The following ZNF845 variants were observed in gnomAD, a reference collection of about 807,000 sequenced individuals.
The protein encoded by ZNF845 is zinc finger protein 845.
Under a neutral mutation model 76.1 loss-of-function variants are expected in ZNF845, and 59 were observed. The observed-to-expected ratio is 0.78, with a 90% CI of 0.63 to 0.96. The LOEUF (loss-of-function observed/expected upper bound fraction) is 0.96, where lower values mean the gene tolerates loss of function less well. Among genes scored for constraint, ZNF845 ranks in the 40% least tolerant of loss-of-function variants. The pLI, the probability that ZNF845 is intolerant of heterozygous loss-of-function variation, is 0.00. For missense variants in ZNF845, 1,045 were observed against 1,172.8 expected, an observed-to-expected ratio of 0.89 and a Z score of 1.59; for synonymous variants, 361 against 386.9, an observed-to-expected ratio of 0.93 and a Z score of 0.78.
Position 53,351,813 on chromosome 19 carries a change from G to A in ZNF845, c.1138G>A (p.Glu380Lys). Reference sequence around the variant, plus strand: ...AAGACATAGGAAAATTCATACTGGAGAGAAACCTTACAAGTGTAATGAATG... The same window carrying A: ...AAGACATAGGAAAATTCATACTGGAAAGAAACCTTACAAGTGTAATGAATG... ...LERHRKIHTG[E>K]KPYKCNECSR... The change falls in exon 4 of 4, where the codon GAG becomes AAG. Residue 380 changes from glutamate to lysine, a missense_variant. Physicochemically the swap from Glu to Lys is moderately conservative, Grantham distance 56 (BLOSUM62 1). Transcript: ENST00000458035. The A allele has an allele frequency of 6.2e-7, 1 of 1,613,564 alleles. No individual in the cohort carries two copies. The highest frequency in any genetic ancestry group is 8.5e-7 in the Non-Finnish European group (1 of 1,179,938).
chr19:53,337,639 G>C (rs943398613), intron 1 of ZNF845, among the ~76,000 whole-genome samples: 3 of 152,056 alleles, frequency 2.0e-5, no homozygotes, highest in Non-Finnish European at 4.4e-5. Flanking sequence ...CGTAATCATG[G>C]TTCACTGCAA....
chr19:53,350,394 G>C (rs1345574579), intron 3 of ZNF845, among the ~76,000 whole-genome samples: 1 of 151,958 alleles, frequency 6.6e-6, no homozygotes, highest in African/African-American at 2.4e-5. Context: ...AGCTTGTTGT[G>C]GATTATTTAC....
intron 1 of ZNF845, chr19:53,337,232 C>T (rs1372430630): frequency 4.4e-6 from 2 of 452,096 alleles, no homozygotes; most frequent in African/African-American, 2.0e-5. Context: ...GATCACGGCC[C>T]TGTGCCTTTC....
At chr19:53,345,952 A>G (rs1231259160) in intron 3 of ZNF845, among the ~76,000 whole-genome samples, 1 of 151,294 alleles carries the variant, frequency 6.6e-6, no homozygotes, top group Non-Finnish European at 1.5e-5. Flanking sequence ...GGCTCAAGAG[A>G]TCCTCCTTGG....
chr19:53,334,851 A>C (rs2085202468), intron 1 of ZNF845, among the ~76,000 whole-genome samples: 1 of 152,110 alleles, frequency 6.6e-6, no homozygotes, highest in Non-Finnish European at 1.5e-5. Flanking sequence ...TCCAGGCTGC[A>C]GTGAGCAGAG....
chr19:53,334,260 C>G (rs1368713332), intron 1 of ZNF845, among the ~76,000 whole-genome samples: 1 of 152,114 alleles, frequency 6.6e-6, no homozygotes, highest in African/African-American at 2.4e-5. Context: ...CCTATGACAC[C>G]GGGTGTTCTT....
At chr19:53,348,307 T>A (rs1332948708) in intron 3 of ZNF845, among the ~76,000 whole-genome samples, 1 of 152,120 alleles carries the variant, frequency 6.6e-6, no homozygotes, top group Non-Finnish European at 1.5e-5. Flanking sequence ...ACTGGGAGGC[T>A]TACGGCACAG....
At chr19:53,339,854 C>T (rs534969816) in intron 1 of ZNF845, among the ~76,000 whole-genome samples, 1 of 152,296 alleles carries the variant, frequency 6.6e-6, no homozygotes, top group East Asian at 1.9e-4. Flanking sequence ...AACCAACAGA[C>T]TATCCTTCCC....
chr19:53,341,453 C>T (rs1043179465), intron 2 of ZNF845, 131 bp downstream of exon 2: 2 of 1,346,042 alleles, frequency 1.5e-6, no homozygotes, highest in African/African-American at 1.4e-5. Flanking sequence ...CATGCCTTCC[C>T]TCAGTCCCTC....
In ZNF845 at chr19:53,341,967, T is replaced by G. The variant is rs181436939; in HGVS notation, c.15+645T>G. 3.0e-3 allele frequency among the ~76,000 whole-genome samples: 450 copies of G among 152,212 alleles called. 1 individual carries two copies. Among genetic ancestry groups the G allele is most frequent in the Non-Finnish European group, 4.9e-3 (333 of 68,018 alleles). On this transcript the variant is annotated intron_variant, in intron 2 of 3. Coordinates refer to ENST00000458035, the MANE Select transcript of ZNF845 (RefSeq NM_138374.3). ...AGCACATTAAAGCTCATGGAGACTG[T>G]GGGGTTACTGCGGAGAGGCTTGTGA... is the stretch of plus-strand genomic sequence containing the variant.
intron 1 of ZNF845, chr19:53,337,118 A>T: frequency 2.2e-6 from 1 of 456,906 alleles, no homozygotes; most frequent in Non-Finnish European, 4.4e-6. Context: ...CCCTCATCGC[A>T]TGACTGTCTC....
chr19:53,352,892 A>C lies in ZNF845; in HGVS notation c.2217A>C (p.Arg739Ser). 1 of 1,614,054 alleles carries C rather than the reference A, an allele frequency of 6.2e-7. No homozygotes were observed. The highest frequency in any genetic ancestry group is 8.5e-7 in the Non-Finnish European group (1 of 1,180,020). The change falls in exon 4 of 4, where the codon AGA becomes AGC. Residue 739 changes from arginine to serine, a missense_variant. Physicochemically the swap from Arg to Ser is moderately radical, Grantham distance 110. Coordinates refer to ENST00000458035, the MANE Select transcript of ZNF845 (RefSeq NM_138374.3). ...SQKSSLTCHL[R>S]LHTGEKPYKC... is the part of the protein sequence containing the mutation. Reference sequence around the variant, plus strand: ...AGTCATCCCTTACATGCCATCTTAGACTTCATACTGGAGAGAAACCTTACA... The same window carrying C: ...AGTCATCCCTTACATGCCATCTTAGCCTTCATACTGGAGAGAAACCTTACA...
intron 1 of ZNF845, among the ~76,000 whole-genome samples, chr19:53,334,614 A>G (rs1568731292): frequency 6.6e-6 from 1 of 152,038 alleles, no homozygotes. Flanking sequence ...TAATGAAGAA[A>G]GGGGGGCTGG....
In ZNF845 at chr19:53,352,083, A is replaced by G; in HGVS notation, c.1408A>G (p.Asn470Asp). Residue 470 changes from asparagine (N) to aspartate (D), a missense_variant, in exon 4 of 4, where the codon AAT (asparagine) becomes GAT (aspartate). Asn to Asp is a conservative substitution (Grantham distance 23). Transcript: ENST00000458035. The part of the protein sequence containing the change: ...IHTGEKPYKC[N>D]DCGKTFSQTS... ...TACTGGAGAGAAACCTTACAAGTGTAATGATTGTGGCAAGACCTTCAGTCA... is the reference window on the plus strand; with the variant it reads ...TACTGGAGAGAAACCTTACAAGTGTGATGATTGTGGCAAGACCTTCAGTCA... 6.2e-7 allele frequency: 1 copy of G among 1,613,918 alleles called. No homozygotes were observed. The highest frequency in any genetic ancestry group is 8.5e-7 in the Non-Finnish European group (1 of 1,179,928).
rs900713438 is a variant in ZNF845 at position 53,338,368 on chromosome 19, C to T, written c.-73-2867C>T. Among the ~76,000 whole-genome samples the T allele has an allele frequency of 5.5e-4, 83 of 152,160 alleles. 7 individuals carry two copies. The highest frequency in any genetic ancestry group is 1.5e-5 in the Non-Finnish European group (1 of 68,034). Reference sequence around the variant, plus strand: ...TGCCTCACTCCAGCTCCCGGGTCTCCGTGCTCTGTACATCACCAGGACCCA... The same window carrying T: ...TGCCTCACTCCAGCTCCCGGGTCTCTGTGCTCTGTACATCACCAGGACCCA... On this transcript the variant is annotated intron_variant, in intron 1 of 3. Coordinates refer to ENST00000458035, the MANE Select transcript of ZNF845 (RefSeq NM_138374.3).
rs1397824884 is a variant in ZNF845, at chr19:53,352,160, C to A, written c.1485C>A (p.Tyr495Ter). 1.9e-5 allele frequency: 31 copies of A among 1,613,916 alleles called. No individual in the cohort carries two copies. The highest frequency in any genetic ancestry group is 2.5e-5 in the Non-Finnish European group (30 of 1,179,962). Reference protein sequence around the residue: ...HRRLHTGEKPYKCEECDEAFS... With the variant: ...HRRLHTGEKP ...GACTTCATACTGGAGAGAAACCTTA[C>A]AAATGTGAAGAATGTGATGAAGCTT... is the stretch of plus-strand genomic sequence containing the variant. The change falls in exon 4 of 4, where the codon TAC (tyrosine) becomes TAA (stop). Residue 495 changes from tyrosine to a stop codon, truncating the protein, a stop_gained. Coordinates refer to ENST00000458035, the MANE Select transcript of ZNF845 (RefSeq NM_138374.3). LOFTEE classifies it high-confidence loss of function.
At chr19:53,344,604 A>ATTTTATTTTATTTTATTTTAT (rs371551119) in intron 2 of ZNF845, among the ~76,000 whole-genome samples, 110 of 126,940 alleles carry the variant, frequency 8.7e-4, no homozygotes, top group Non-Finnish European at 1.6e-3. Flanking sequence ...ATTTTATTTT[A>ATTTTATTTTATTTTATTTTAT]TTTATTTTAT....
At position 53,353,728 on chromosome 19, in the gene ZNF845, T is replaced by A. The variant is rs1440203341; in HGVS notation, c.*140T>A. The A allele has an allele frequency of 2.0e-6, 3 of 1,519,748 alleles. No individual in the cohort carries two copies. In the East Asian group the frequency reaches 6.8e-5, roughly 34 times the overall value. 94.1% of individuals were successfully genotyped at this position (1,519,748 alleles called of 1,614,324 possible). On this transcript the variant is annotated 3_prime_UTR_variant, in exon 4 of 4. Coordinates refer to ENST00000458035, the MANE Select transcript of ZNF845 (RefSeq NM_138374.3). The stretch of plus-strand genomic sequence containing the variant: ...GTGATTCACACCTGGCCCAACAAAC[T>A]AGAAGTCACACTGGAGAGAAACCTT...
intron 2 of ZNF845, among the ~76,000 whole-genome samples, chr19:53,342,713 G>C (rs950224928): frequency 5.3e-5 from 8 of 152,268 alleles, no homozygotes; most frequent in South Asian, 4.1e-4. Flanking sequence ...TAGGTTTGGG[G>C]CGCCATGTTC....
Sources: gnomAD v4.1 joint callset for allele counts (sites outside exome capture counted in the v4.1 genomes callset) on GRCh38, gnomAD v4.1.1 for gene constraint, MANE v1.5 for transcripts, NCBI Gene and HGNC (gene_info 2026-07-23, HGNC 2026-07-21) for gene names.